KCNH5: variants seen among roughly 807,000 people sequenced by gnomAD.
KCNH5 encodes voltage-gated delayed rectifier potassium channel KCNH5.
Under a neutral mutation model 96.1 loss-of-function variants are expected in KCNH5, and 46 were observed. The ratio of observed to expected loss-of-function variants is 0.48; its 90% confidence interval spans 0.38 to 0.61. KCNH5 has a LOEUF of 0.61. Ranked by LOEUF, KCNH5 falls within the 20% of genes least tolerant of loss-of-function variation. The probability of loss-of-function intolerance (pLI) is 0.00; values close to 1 mark genes in which losing one functional copy is unlikely to be tolerated. For missense variants in KCNH5, 907 were observed against 1,225.8 expected, an observed-to-expected ratio of 0.74 and a Z score of 3.88; for synonymous variants, 439 against 449.8, an observed-to-expected ratio of 0.98 and a Z score of 0.30.
chr14:62,791,590 T>C (rs771699524), intron 9 of KCNH5, among the ~76,000 whole-genome samples: 2 of 151,800 alleles, frequency 1.3e-5, no homozygotes, highest in South Asian at 2.1e-4. Context: ...AGATATTCCA[T>C]GCAAACAGTA....
At chr14:62,968,366 CTTTGTATTTA>C (rs913449036) in intron 6 of KCNH5, among the ~76,000 whole-genome samples, 18 of 152,200 alleles carry the variant, frequency 1.2e-4, no homozygotes, top group South Asian at 1.0e-3. Flanking sequence ...TCTTGTTCAT[CTTTGTATTTA>C]TTTGTATTTA....
intron 8 of KCNH5, among the ~76,000 whole-genome samples, chr14:62,831,911 CTA>C (rs1566675323): frequency 6.6e-6 from 1 of 152,002 alleles, no homozygotes; most frequent in Non-Finnish European, 1.5e-5. Flanking sequence ...CAAAGTCTCA[CTA>C]TGTTACCCAG....
Position 62,789,692 on chromosome 14 carries a change from C to T in KCNH5, c.1823-9768G>A, listed in dbSNP as rs543676492. 2.0e-5 allele frequency among the ~76,000 whole-genome samples: 3 copies of T among 151,884 alleles called. No homozygotes were observed. The East Asian group carries it at 5.8e-4, about 29-fold the overall frequency. Reference sequence around the variant, plus strand: ...CCCCTGATGATTAGTGATTTGAGCACCTTTTCATATACCTGATGGTTATTT... The same window carrying T: ...CCCCTGATGATTAGTGATTTGAGCATCTTTTCATATACCTGATGGTTATTT... On this transcript the variant is annotated intron_variant, in intron 9 of 10. Coordinates refer to ENST00000322893, the MANE Select transcript of KCNH5 (RefSeq NM_139318.5).
intron 2 of KCNH5, 99 bp downstream of exon 2, chr14:63,016,732 T>C (rs10132994): frequency 0.044 from 49,118 of 1,119,692 alleles, 1,203 homozygotes; most frequent in East Asian, 0.052. Flanking sequence ...TTTAACTCTA[T>C]GGTTTGTATA....
chr14:62,961,549 C>T (rs1890205403), intron 6 of KCNH5, among the ~76,000 whole-genome samples: 1 of 152,134 alleles, frequency 6.6e-6, no homozygotes, highest in Non-Finnish European at 1.5e-5. Context: ...AGAGTTGAAG[C>T]AGAGTAAGAC....
intron 7 of KCNH5, among the ~76,000 whole-genome samples, chr14:62,853,456 C>CATATATATATATAT (rs61444088): frequency 8.7e-4 from 81 of 93,214 alleles, no homozygotes; most frequent in South Asian, 3.6e-3. Context: ...AAAGAATAAT[C>CATATATATATATAT]ATATATATAT....
intron 8 of KCNH5, among the ~76,000 whole-genome samples, chr14:62,839,016 T>G (rs564284690): frequency 1.1e-3 from 170 of 152,294 alleles, no homozygotes; most frequent in Non-Finnish European, 1.7e-3. Context: ...GTACATAACC[T>G]TGGACTTGGC....
chr14:62,715,271 AAG>A (rs1484881897), intron 10 of KCNH5, among the ~76,000 whole-genome samples: 10 of 152,332 alleles, frequency 6.6e-5, no homozygotes, highest in African/African-American at 1.9e-4. Flanking sequence ...ATTTGAGGAA[AAG>A]AGAGAGGTGT....
intron 7 of KCNH5, among the ~76,000 whole-genome samples, chr14:62,878,410 A>G (rs866507814): frequency 2.0e-5 from 3 of 152,124 alleles, no homozygotes; most frequent in Admixed American, 1.3e-4. Flanking sequence ...ACTTTGGAGT[A>G]AAAATTATCT....
At chr14:62,848,555 A>T (rs894647038) in intron 8 of KCNH5, among the ~76,000 whole-genome samples, 2 of 151,776 alleles carry the variant, frequency 1.3e-5, no homozygotes, top group East Asian at 1.9e-4. Context: ...CTCTCCCTCA[A>T]CTCCTAAGTT....
intron 6 of KCNH5, among the ~76,000 whole-genome samples, chr14:62,969,139 T>C (rs1026749056): frequency 3.9e-5 from 6 of 152,154 alleles, no homozygotes; most frequent in African/African-American, 1.2e-4. Flanking sequence ...ACTTGGAGAT[T>C]AAATAACACA....
At chr14:62,728,301 C>T (rs993322537) in intron 10 of KCNH5, among the ~76,000 whole-genome samples, 4 of 149,562 alleles carry the variant, frequency 2.7e-5, no homozygotes, top group African/African-American at 7.4e-5. Flanking sequence ...GCAGGAGAAT[C>T]GCTTGAACTC....
In KCNH5 at chr14:62,706,220, C is replaced by T. The variant is rs949097738; in HGVS notation, c.*1288G>A. 2 of 152,090 alleles carry T rather than the reference C, an allele frequency of 1.3e-5. No homozygotes were observed. Among genetic ancestry groups the T allele is most frequent in the Non-Finnish European group, 2.9e-5 (2 of 67,950 alleles). The allele number at this position is 152,090 out of a possible 1,614,324, so 9.4% of individuals were successfully genotyped here. On this transcript the variant is annotated 3_prime_UTR_variant, in exon 11 of 11. Coordinates refer to ENST00000322893, the MANE Select transcript of KCNH5 (RefSeq NM_139318.5). ...AATTCAGTCTTTAGTATCCCCCTTTCACAAATGGACCTGCCTGAGCCACAA... is the reference window on the plus strand; with the variant it reads ...AATTCAGTCTTTAGTATCCCCCTTTTACAAATGGACCTGCCTGAGCCACAA...
chr14:62,890,694 G>A (rs1350755741), intron 7 of KCNH5, among the ~76,000 whole-genome samples: 7 of 98,508 alleles, frequency 7.1e-5, no homozygotes, highest in African/African-American at 2.1e-4. Flanking sequence ...GCGAGACTCC[G>A]TCTCAAAAAA....
chr14:62,875,427 C>G (rs1888351543), intron 7 of KCNH5, among the ~76,000 whole-genome samples: 1 of 152,194 alleles, frequency 6.6e-6, no homozygotes, highest in African/African-American at 2.4e-5. Flanking sequence ...CATCACTCTA[C>G]CCCACTTCAA....
chr14:62,926,294 C>A (rs1442299384), intron 7 of KCNH5, among the ~76,000 whole-genome samples: 1 of 152,082 alleles, frequency 6.6e-6, no homozygotes, highest in African/African-American at 2.4e-5. Context: ...TCAGCTCAAA[C>A]CACTATGTTG....
At chr14:63,033,614 G>C (rs1891669105) in intron 1 of KCNH5, among the ~76,000 whole-genome samples, 1 of 152,152 alleles carries the variant, frequency 6.6e-6, no homozygotes, top group Non-Finnish European at 1.5e-5. Flanking sequence ...TGAGTTCCAT[G>C]AGGTCAGGGG....
At chr14:62,979,703 T>C (rs1007253037) in intron 6 of KCNH5, among the ~76,000 whole-genome samples, 2 of 152,206 alleles carry the variant, frequency 1.3e-5, no homozygotes, top group African/African-American at 2.4e-5. Context: ...CTTCTATATA[T>C]TATGAATTGA....
chr14:62,989,032 TAC>T (rs903094560), intron 4 of KCNH5, among the ~76,000 whole-genome samples: 6 of 145,462 alleles, frequency 4.1e-5, no homozygotes, highest in Non-Finnish European at 6.1e-5. Flanking sequence ...CACACACACA[TAC>T]ACACACACAC....
Sources: gnomAD v4.1 joint callset for allele counts (sites outside exome capture counted in the v4.1 genomes callset) on GRCh38, gnomAD v4.1.1 for gene constraint, MANE v1.5 for transcripts, NCBI Gene and HGNC (gene_info 2026-07-23, HGNC 2026-07-21) for gene names.